The following MTMR4 variants were observed in gnomAD, a reference collection of about 807,000 sequenced individuals.
MTMR4 encodes the protein phosphatidylinositol-3,5-bisphosphate 3-phosphatase MTMR4.
Under a neutral mutation model 125.5 loss-of-function variants are expected in MTMR4, and 30 were observed. The ratio of observed to expected loss-of-function variants is 0.24; its 90% CI spans 0.18 to 0.32. The LOEUF is 0.32. MTMR4 is among the 10% of genes least tolerant of loss of function. The probability of loss-of-function intolerance (pLI) is 1.00; values close to 1 mark genes in which losing one functional copy is unlikely to be tolerated. For synonymous variants in MTMR4, 498 were observed against 564.5 expected, an observed-to-expected ratio of 0.88 and a Z score of 1.67; for missense variants, 1,039 against 1,511.5, an observed-to-expected ratio of 0.69 and a Z score of 5.18.
At position 58,511,022 on chromosome 17, in the gene MTMR4, C is replaced by A. The variant is rs570371267; in HGVS notation, c.335+407G>T. On this transcript the variant is annotated intron_variant, in intron 4 of 17. Transcript: ENST00000682306. ...TCATTGGAATGTAAGCTCTCTGAGG[C>A]GGCAAAATTTTGTCTATTTGTTCCC... The A allele has an allele frequency of 3.0e-4, 46 of 154,134 alleles. No individual in the cohort carries two copies. The South Asian group carries it at 6.7e-3, about 23-fold the overall frequency. The allele number at this position is 154,134 out of a possible 1,614,324, so 9.5% of individuals were successfully genotyped here.
upstream of MTMR4, chr17:58,516,512 C>T (rs1976089116): frequency 1.3e-6 from 2 of 1,556,656 alleles, no homozygotes; most frequent in South Asian, 1.1e-5. Flanking sequence ...ACAGGTGGGG[C>T]AGCTTCACAG....
upstream of MTMR4, among the ~76,000 whole-genome samples, chr17:58,517,523 C>T (rs544483302): frequency 1.3e-5 from 2 of 152,352 alleles, no homozygotes; most frequent in South Asian, 2.1e-4. Context: ...GAGGTGCTGC[C>T]TCACCGCCCA....
At chr17:58,515,104 T>C (rs559501051), upstream of MTMR4, 13 of 972,584 alleles carry the variant, frequency 1.3e-5, no homozygotes, top group African/African-American at 1.4e-4. Context: ...AAATGAGCTT[T>C]TTATTCCAAC....
chr17:58,517,509 GC>G (rs2042033877), upstream of MTMR4, among the ~76,000 whole-genome samples: 3 of 152,390 alleles, frequency 2.0e-5, no homozygotes, highest in Admixed American at 6.5e-5. Context: ...CAAGAGGCAA[GC>G]CAGAGGTGCT....
chr17:58,516,748 T>C, upstream of MTMR4: 1 of 781,094 alleles, frequency 1.3e-6, no homozygotes, highest in Non-Finnish European at 2.2e-6. Context: ...GACTCCAGTC[T>C]CTCCACAAGT....
At position 58,490,217 on chromosome 17, in the gene MTMR4, T is replaced by C. The variant is rs1975282123; in HGVS notation, c.*1446A>G. The C allele has an allele frequency of 6.6e-6, 1 of 152,448 alleles. No homozygotes were observed. The highest frequency in any genetic ancestry group is 2.4e-5 in the African/African-American group (1 of 41,452). The allele number at this position is 152,448 out of a possible 1,614,324, so 9.4% of individuals were successfully genotyped here. A position where few individuals can be genotyped will look rare whatever the true frequency, so the allele number is the denominator to read the frequency against. Reference sequence around the variant, plus strand: ...TGAAAGTAGCAGTAAGAAAGATGACTACCATCATTTCAAAACAGGATAAGC... The same window carrying C: ...TGAAAGTAGCAGTAAGAAAGATGACCACCATCATTTCAAAACAGGATAAGC... On this transcript the variant is annotated 3_prime_UTR_variant, in exon 18 of 18. Coordinates refer to ENST00000682306, the MANE Select transcript of MTMR4 (RefSeq NM_001378067.1).
In MTMR4 at chr17:58,495,227, C is replaced by A; in HGVS notation, c.2957G>T (p.Cys986Phe). 1.9e-6 allele frequency: 3 copies of A among 1,614,216 alleles called. No homozygotes were observed. Among genetic ancestry groups the A allele is most frequent in the Non-Finnish European group, 2.5e-6 (3 of 1,180,034 alleles). Reference protein sequence around the residue: ...PVCSSHSNGHCTGPGGKNQMW... With the variant: ...PVCSSHSNGHFTGPGGKNQMW... ...CTGGTTCTTTCCTCCTGGGCCAGTACAATGTCCATTGGAATGACTAGAACA... is the reference window on the plus strand; with the variant it reads ...CTGGTTCTTTCCTCCTGGGCCAGTAAAATGTCCATTGGAATGACTAGAACA... The change falls in exon 15 of 18, where the codon TGT (cysteine) becomes TTT (phenylalanine). Residue 986 changes from cysteine to phenylalanine, a missense_variant. By Grantham distance (205) the Cys-to-Phe change is radical. Transcript: ENST00000682306.
In MTMR4 at chr17:58,494,960, T is replaced by G; in HGVS notation, c.3224A>C (p.Glu1075Ala). 1.2e-6 allele frequency: 2 copies of G among 1,614,110 alleles called. No homozygotes were observed. The highest frequency in any genetic ancestry group is 2.7e-5 in the African/African-American group (2 of 75,034). Residue 1075 changes from glutamate to alanine, a missense_variant, in exon 15 of 18, where the codon GAG (glutamate) becomes GCG (alanine). This residue lies in a region of MTMR4 where 619 missense variants were observed against 714.5 expected (regional missense o/e 0.87). Coordinates refer to ENST00000682306, the MANE Select transcript of MTMR4 (RefSeq NM_001378067.1). ...DIRHCCAPPAEPPMDYEDDFT... is the reference protein window; with the variant it reads ...DIRHCCAPPAAPPMDYEDDFT... ...ATCATCCTCATAGTCCATGGGGGGCTCTGCTGGAGGGGCACAGCAGTGACG... is the reference window on the plus strand; with the variant it reads ...ATCATCCTCATAGTCCATGGGGGGCGCTGCTGGAGGGGCACAGCAGTGACG...
In MTMR4 at chr17:58,514,466, C is replaced by T. The variant is rs1046986474; in HGVS notation, c.-59G>A. 2.3e-5 allele frequency: 23 copies of T among 984,798 alleles called. No homozygotes were observed. In the African/African-American group the frequency reaches 2.6e-4, roughly 11 times the overall value. The allele number at this position is 984,798 out of a possible 1,614,324, so 61.0% of individuals were successfully genotyped here. A position where few individuals can be genotyped will look rare whatever the true frequency, so the allele number is the denominator to read the frequency against. Reference sequence around the variant, plus strand: ...CCGGAGCCGCTGCGCTGCCCGCCAGCCCCGGGCGCCCGCCGCATCCCGGCT... The same window carrying T: ...CCGGAGCCGCTGCGCTGCCCGCCAGTCCCGGGCGCCCGCCGCATCCCGGCT... On this transcript the variant is annotated 5_prime_UTR_variant, in exon 1 of 18. Coordinates refer to ENST00000682306, the MANE Select transcript of MTMR4 (RefSeq NM_001378067.1).
At chr17:58,505,900 C>G (rs960764202) in intron 9 of MTMR4, among the ~76,000 whole-genome samples, 7 of 152,118 alleles carry the variant, frequency 4.6e-5, no homozygotes, top group African/African-American at 1.7e-4. Context: ...GAGCGAGACT[C>G]CGTCTCAAAA....
At chr17:58,492,169 G>A (rs1975331002) in intron 17 of MTMR4, among the ~76,000 whole-genome samples, 1 of 152,092 alleles carries the variant, frequency 6.6e-6, no homozygotes, top group Non-Finnish European at 1.5e-5. Flanking sequence ...CACTATTTTT[G>A]TTTTTGTTTT....
chr17:58,496,262 G>A lies in MTMR4; in HGVS notation c.1922C>T (p.Thr641Ile), dbSNP rs777848197. 3.1e-6 allele frequency: 5 copies of A among 1,613,980 alleles called. No homozygotes were observed. In the Admixed American group the frequency reaches 6.7e-5, roughly 22 times the overall value. Residue 641 changes from threonine (T) to isoleucine (I), a missense_variant, in exon 15 of 18, where the codon ACA (threonine) becomes ATA (isoleucine). By Grantham distance (89) the Thr-to-Ile change is moderately conservative. Around this residue, in one of 6 missense-constraint regions of MTMR4, gnomAD observed 619 missense variants for 714.5 expected, o/e 0.87. Coordinates refer to ENST00000682306, the MANE Select transcript of MTMR4 (RefSeq NM_001378067.1). ...GTTATTCAGGTTAGGGTCACTGGAT[G>A]TACGAGTCAGGGGGCTGCTTGTGTC... The part of the protein sequence containing the change: ...ACDTSSPLTR[T>I]SSDPNLNNHC...
rs1194978465 is a variant in MTMR4 at position 58,490,597 on chromosome 17, T to C, written c.*1066A>G. The C allele has an allele frequency of 6.6e-6, 1 of 152,588 alleles. No individual in the cohort carries two copies. The highest frequency in any genetic ancestry group is 2.4e-5 in the African/African-American group (1 of 41,434). 9.5% of individuals were successfully genotyped at this position (152,588 alleles called of 1,614,324 possible). ...AAACCCTCACATACCAAACAGCATA[T>C]GCTAGGAGGTAAAAACCAAACGCTA... On this transcript the variant is annotated 3_prime_UTR_variant, in exon 18 of 18. Transcript: ENST00000682306.
chr17:58,489,789 A>C lies in MTMR4; in HGVS notation c.*1874T>G, dbSNP rs903635528. 6.6e-6 allele frequency: 1 copy of C among 152,624 alleles called. No homozygotes were observed. Among genetic ancestry groups the C allele is most frequent in the Non-Finnish European group, 1.5e-5 (1 of 68,036 alleles). The allele number at this position is 152,624 out of a possible 1,614,324, so 9.5% of individuals were successfully genotyped here. The stretch of plus-strand genomic sequence containing the variant: ...AAGTAGACAGATACAGTCTCCCCAA[A>C]TGTTACCAATCTTACTCCCCTTGAA... On this transcript the variant is annotated 3_prime_UTR_variant, in exon 18 of 18. Coordinates refer to ENST00000682306, the MANE Select transcript of MTMR4 (RefSeq NM_001378067.1).
At position 58,503,728 on chromosome 17, in the gene MTMR4, G is replaced by A. The variant is rs997376523; in HGVS notation, c.1853+16C>T. ...TCCTAGTGGAGAGAGGAGAAAGGAA[G>A]AAGGGCTTTTCTTACCTGTCCAGAG... On this transcript the variant is annotated intron_variant, in intron 14 of 17. Coordinates refer to ENST00000682306, the MANE Select transcript of MTMR4 (RefSeq NM_001378067.1). 1.2e-6 allele frequency: 2 copies of A among 1,606,370 alleles called. No individual in the cohort carries two copies. Among genetic ancestry groups the A allele is most frequent in the Non-Finnish European group, 1.7e-6 (2 of 1,175,466 alleles).
chr17:58,512,967 C>T lies in MTMR4; in HGVS notation c.46-26G>A. The T allele has an allele frequency of 6.4e-7, 1 of 1,551,976 alleles. No homozygotes were observed. ...CTGTAGGAAGGCCACAGTCCTAAGT[C>T]ACCAAGCTCCACTTAGCCCATCAGG... On this transcript the variant is annotated intron_variant, in intron 1 of 17. Transcript: ENST00000682306. The surrounding 1 kb of genome is among the most constrained non-coding windows in gnomAD (Gnocchi z 4.1).
Position 58,512,418 on chromosome 17 carries a change from T to C in MTMR4, c.224A>G (p.His75Arg), listed in dbSNP as rs1975957050. 6 of 1,614,040 alleles carry C rather than the reference T, an allele frequency of 3.7e-6. 1 individual carries two copies. The highest frequency in any genetic ancestry group is 1.3e-5 in the African/African-American group (1 of 74,932). ...GATGACAGAGTCCTTGAATTTGATATGCAGCCGGTAGTTAGAGATGGCAAT... is the reference window on the plus strand; with the variant it reads ...GATGACAGAGTCCTTGAATTTGATACGCAGCCGGTAGTTAGAGATGGCAAT... ...ALIAISNYRL[H>R]IKFKDSVINV... The change falls in exon 3 of 18, where the codon CAT (histidine) becomes CGT (arginine). Residue 75 changes from histidine to arginine, a missense_variant. Coordinates refer to ENST00000682306, the MANE Select transcript of MTMR4 (RefSeq NM_001378067.1). The surrounding 1 kb of genome is among the most constrained non-coding windows in gnomAD (Gnocchi z 4.1).
rs1975963434 is a variant in MTMR4 at position 58,512,622 on chromosome 17, A to C, written c.136-116T>G. 2.8e-5 allele frequency: 25 copies of C among 894,578 alleles called. 2 individuals carry two copies. The South Asian group carries it at 3.6e-4, about 13-fold the overall frequency. 55.4% of individuals were successfully genotyped at this position (894,578 alleles called of 1,614,324 possible). A position where few individuals can be genotyped will look rare whatever the true frequency, so the allele number is the denominator to read the frequency against. ...AAGGTGGGCCAAGGCAAGAGAGGAG[A>C]GTTCTCTCCACGGTAACAGCACCAG... On this transcript the variant is annotated intron_variant, in intron 2 of 17. Transcript: ENST00000682306. This position sits in a 1 kb window ranked among gnomAD's most constrained non-coding sequence, Gnocchi z 4.1.
At chr17:58,493,016 G>A in intron 15 of MTMR4, 64 bp from the exon 16 acceptor site, 2 of 1,323,864 alleles carry the variant, frequency 1.5e-6, no homozygotes, top group Non-Finnish European at 2.2e-6. Flanking sequence ...TTTACCATGT[G>A]TCAGGCACTG....
Sources: gnomAD v4.1 joint callset for allele counts (sites outside exome capture counted in the v4.1 genomes callset) on GRCh38, gnomAD v4.1.1 for gene constraint, gnomAD v4.1.1 regional missense constraint, Gnocchi (gnomAD v3.1) non-coding constraint, MANE v1.5 for transcripts, NCBI Gene and HGNC (gene_info 2026-07-23, HGNC 2026-07-21) for gene names.